The following FGF14 variants were observed in gnomAD, a reference collection of about 807,000 sequenced individuals.
The protein encoded by FGF14 is fibroblast growth factor homologous factor 4.
FGF14 carries 5 observed loss-of-function variants against 25.5 expected under a neutral mutation model. The observed-to-expected ratio is 0.20, with a 90% CI of 0.10 to 0.41. The LOEUF (loss-of-function observed/expected upper bound fraction) is 0.41, where lower values mean the gene tolerates loss of function less well. FGF14 is among the 10% of genes least tolerant of loss of function. The pLI, the probability that FGF14 is intolerant of heterozygous loss-of-function variation, is 1.00. For synonymous variants in FGF14, 138 were observed against 118.3 expected (o/e 1.17, Z -1.08); for missense variants, 222 against 320.1 (o/e 0.69, Z 2.34).
intron 3 of FGF14, among the ~76,000 whole-genome samples, chr13:101,748,566 A>G (rs1310054568): frequency 6.6e-6 from 1 of 151,768 alleles, no homozygotes; most frequent in Non-Finnish European, 1.5e-5. Context: ...ACCACTATAC[A>G]ATACAGCCAT....
At chr13:101,930,623 T>C (rs982858754) in intron 1 of FGF14, among the ~76,000 whole-genome samples, 1 of 152,212 alleles carries the variant, frequency 6.6e-6, no homozygotes, top group Non-Finnish European at 1.5e-5. Context: ...CAGTTTAATT[T>C]CATTTTCTTC....
At chr13:102,333,011 A>C (rs539474657) in intron 1 of FGF14, among the ~76,000 whole-genome samples, 20 of 152,208 alleles carry the variant, frequency 1.3e-4, no homozygotes, top group Non-Finnish European at 1.9e-4. Flanking sequence ...TAGAACTCTT[A>C]TGAAGATATT....
chr13:101,826,583 A>G (rs1289050978), intron 3 of FGF14, among the ~76,000 whole-genome samples: 1 of 152,046 alleles, frequency 6.6e-6, no homozygotes, highest in East Asian at 1.9e-4. Context: ...GCACCATCTT[A>G]GATTTGTTTC....
chr13:101,817,553 T>G (rs1417799036), intron 3 of FGF14, among the ~76,000 whole-genome samples: 1 of 152,214 alleles, frequency 6.6e-6, no homozygotes, highest in Non-Finnish European at 1.5e-5. Context: ...ATGCTATTAC[T>G]TGGTTTTGCA....
At chr13:101,739,629 A>G (rs75337569) in intron 3 of FGF14, among the ~76,000 whole-genome samples, 2,761 of 152,302 alleles carry the variant, frequency 0.018, 25 homozygotes, top group Non-Finnish European at 0.028. Context: ...GAGACAAGGC[A>G]TTTGAATGAA....
At chr13:101,890,627 G>A (rs2046219271) in intron 1 of FGF14, among the ~76,000 whole-genome samples, 1 of 152,134 alleles carries the variant, frequency 6.6e-6, no homozygotes, top group Non-Finnish European at 1.5e-5. Flanking sequence ...CCTCCATGTG[G>A]GAACAAAATG....
At chr13:101,794,086 T>C (rs1363489001) in intron 3 of FGF14, among the ~76,000 whole-genome samples, 1 of 152,082 alleles carries the variant, frequency 6.6e-6, no homozygotes, top group African/African-American at 2.4e-5. Context: ...TCTGACCATA[T>C]TCATTCTGTC....
chr13:101,855,778 A>G (rs2044096089), intron 3 of FGF14, among the ~76,000 whole-genome samples: 2 of 151,934 alleles, frequency 1.3e-5, no homozygotes, highest in African/African-American at 4.8e-5. Context: ...AGTGTAATTT[A>G]ACATACTTTG....
chr13:101,785,654 G>A (rs565815216), intron 3 of FGF14, among the ~76,000 whole-genome samples: 4 of 151,964 alleles, frequency 2.6e-5, no homozygotes, highest in East Asian at 3.9e-4. Flanking sequence ...TTTAAAGTAG[G>A]ATACCTTATA....
intron 3 of FGF14, among the ~76,000 whole-genome samples, chr13:101,853,445 A>G (rs1484659626): frequency 6.6e-6 from 1 of 151,956 alleles, no homozygotes; most frequent in Non-Finnish European, 1.5e-5. Context: ...TTATTTATTT[A>G]TTTTTATTTT....
intron 1 of FGF14, among the ~76,000 whole-genome samples, chr13:102,209,246 C>T (rs2050064822): frequency 6.6e-6 from 1 of 152,148 alleles, no homozygotes; most frequent in Non-Finnish European, 1.5e-5. Context: ...AAGCCCAAAC[C>T]TTGGGGTATT....
chr13:101,990,440 T>A (rs2038835004), intron 1 of FGF14, among the ~76,000 whole-genome samples: 1 of 106,274 alleles, frequency 9.4e-6, no homozygotes, highest in African/African-American at 7.3e-5. Flanking sequence ...GTTATCAAAA[T>A]CCTTTTTTTA....
At chr13:102,233,171 G>C (rs9557844) in intron 1 of FGF14, among the ~76,000 whole-genome samples, 24,161 of 151,992 alleles carry the variant, frequency 0.16, 2,094 homozygotes, top group Non-Finnish European at 0.2. Flanking sequence ...TCTCACTCTT[G>C]TTGCCCAGGC....
intron 1 of FGF14, among the ~76,000 whole-genome samples, chr13:102,333,538 G>A (rs949679243): frequency 6.6e-6 from 1 of 152,220 alleles, no homozygotes; most frequent in East Asian, 1.9e-4. Context: ...GCAAGAAGAG[G>A]CCCCTGGGCT....
intron 1 of FGF14, among the ~76,000 whole-genome samples, chr13:102,359,937 T>A (rs1275957438): frequency 1.3e-5 from 2 of 151,028 alleles, no homozygotes; most frequent in African/African-American, 4.9e-5. Flanking sequence ...CAGAAGGAAA[T>A]CTTATAGTAT....
At chr13:102,063,321 A>G (rs2042765981) in intron 1 of FGF14, among the ~76,000 whole-genome samples, 1 of 152,188 alleles carries the variant, frequency 6.6e-6, no homozygotes, top group Non-Finnish European at 1.5e-5. Context: ...TAGTTCTGTA[A>G]TATAAGTAGT....
chr13:102,042,438 T>G (rs1033886284), intron 1 of FGF14, among the ~76,000 whole-genome samples: 1 of 152,152 alleles, frequency 6.6e-6, no homozygotes, highest in African/African-American at 2.4e-5. Context: ...TATTTAATAT[T>G]AACTCTAAGA....
At chr13:102,306,923 A>G (rs896099450) in intron 1 of FGF14, among the ~76,000 whole-genome samples, 5 of 152,090 alleles carry the variant, frequency 3.3e-5, no homozygotes, top group Non-Finnish European at 7.4e-5. Context: ...CATACATGGC[A>G]AAGAGGGTGC....
intron 1 of FGF14, among the ~76,000 whole-genome samples, chr13:102,072,645 C>A (rs1009382740): frequency 1.3e-5 from 2 of 152,202 alleles, no homozygotes; most frequent in African/African-American, 4.8e-5. Context: ...AATCTTCCCA[C>A]AGCCAAGTTG....
Sources: allele counts gnomAD v4.1 joint callset (sites outside exome capture counted in the v4.1 genomes callset), GRCh38; gene constraint gnomAD v4.1.1; transcripts MANE v1.5; gene names NCBI Gene and HGNC (gene_info 2026-07-23, HGNC 2026-07-21).